Variants in ENTPD8 observed in about 807,000 individuals in gnomAD.
ENTPD8 encodes E-NTPDase 8.
ENTPD8 carries 35 observed loss-of-function variants against 47.0 expected under a neutral mutation model. The ratio of observed to expected loss-of-function variants is 0.75; its 90% CI spans 0.57 to 0.99. ENTPD8 has a LOEUF of 0.99. Among genes scored for constraint, ENTPD8 ranks in the 50% least tolerant of loss-of-function variants. The pLI is 0.00. For missense variants in ENTPD8, 668 were observed against 649.9 expected (o/e 1.03, Z -0.30); for synonymous variants, 308 against 290.5 (o/e 1.06, Z -0.61).
At position 137,436,576 on chromosome 9, in the gene ENTPD8, T is replaced by C; in HGVS notation, c.731A>G (p.Tyr244Cys). The C allele has an allele frequency of 1.2e-6, 2 of 1,611,952 alleles. No homozygotes were observed. The highest frequency in any genetic ancestry group is 2.2e-5 in the South Asian group (2 of 90,840). The change falls in exon 6 of 10, where the codon TAC (tyrosine) becomes TGC (cysteine). Residue 244 changes from tyrosine (Y) to cysteine (C), a missense_variant. Transcript: ENST00000371506. ...GSDYSVYTHS[Y>C]LCFGRDQMLS... The stretch of plus-strand genomic sequence containing the variant: ...CATCTGGTCCCGTCCAAAGCACAGG[T>C]AGCTGTGAGTGTAGACGCTGTAGTC...
chr9:137,437,212 C>G lies in ENTPD8; in HGVS notation c.342G>C (p.Gln114His), dbSNP rs774935844. The change falls in exon 4 of 10, where the codon CAG becomes CAC. Residue 114 changes from glutamine to histidine, a missense_variant. Physicochemically the swap from Gln to His is conservative, Grantham distance 24. Transcript: ENST00000371506. ...CCAGGAACGTGGGTGTTTTCCGATG[C>G]TGGGCCTCTGGGATCAGCACCAGCG... ...EEALVLIPEAQHRKTPTFLGA... is the reference protein window; with the variant it reads ...EEALVLIPEAHHRKTPTFLGA... 4 of 1,613,010 alleles carry G rather than the reference C, an allele frequency of 2.5e-6. No individual in the cohort carries two copies. The highest frequency in any genetic ancestry group is 3.4e-6 in the Non-Finnish European group (4 of 1,179,996).
At position 137,438,088 on chromosome 9, in the gene ENTPD8, G is replaced by A; in HGVS notation, c.127-4C>T. ...CCGCATCAAACACGATCCCAAACTG[G>A]GGAGACAGTGGGATGAGTGGGAGGC... On this transcript the variant is annotated splice_polypyrimidine_tract_variant and splice_region_variant and intron_variant, in intron 2 of 9. Coordinates refer to ENST00000371506, the MANE Select transcript of ENTPD8 (RefSeq NM_001033113.2). The surrounding 1 kb of genome is among the most constrained non-coding windows in gnomAD (Gnocchi z 5.7). The A allele has an allele frequency of 6.2e-7, 1 of 1,612,664 alleles. No individual in the cohort carries two copies. The highest frequency in any genetic ancestry group is 8.5e-7 in the Non-Finnish European group (1 of 1,179,714).
chr9:137,436,174 G>T lies in ENTPD8; in HGVS notation c.889C>A (p.Pro297Thr). Residue 297 changes from proline (P) to threonine (T), a missense_variant, in exon 7 of 10, where the codon CCC becomes ACC. Coordinates refer to ENST00000371506, the MANE Select transcript of ENTPD8 (RefSeq NM_001033113.2). ...LYESPCVHAT[P>T]PLSLPQNLTV... Reference sequence around the variant, plus strand: ...AGGTTCTGGGGGAGGCTCAGCGGGGGCGTGGCGTGGACACAGGGTGACTCA... The same window carrying T: ...AGGTTCTGGGGGAGGCTCAGCGGGGTCGTGGCGTGGACACAGGGTGACTCA... 1 of 1,612,938 alleles carries T rather than the reference G, an allele frequency of 6.2e-7. No individual in the cohort carries two copies. Among genetic ancestry groups the T allele is most frequent in the South Asian group, 1.1e-5 (1 of 91,084 alleles).
rs1258463723 is a variant in ENTPD8, at chr9:137,438,964, G to A, written c.-20-659C>T. 1.3e-5 allele frequency among the ~76,000 whole-genome samples: 2 copies of A among 152,148 alleles called. No homozygotes were observed. Among genetic ancestry groups the A allele is most frequent in the Non-Finnish European group, 2.9e-5 (2 of 68,004 alleles). ...CTCCAGCCTGCACTGGGGGCCCAGGGCTCTGCCTCCTCTCTGCGGCCCCCA... is the reference window on the plus strand; with the variant it reads ...CTCCAGCCTGCACTGGGGGCCCAGGACTCTGCCTCCTCTCTGCGGCCCCCA... On this transcript the variant is annotated intron_variant, in intron 1 of 9. Transcript: ENST00000371506. This position sits in a 1 kb window ranked among gnomAD's most constrained non-coding sequence, Gnocchi z 5.7.
Position 137,435,268 on chromosome 9 carries a change from G to T in ENTPD8, c.1232C>A (p.Thr411Asn). The T allele has an allele frequency of 6.2e-7, 1 of 1,612,580 alleles. No individual in the cohort carries two copies. The highest frequency in any genetic ancestry group is 1.1e-5 in the South Asian group (1 of 91,084). ...GAACCCGTAGCCCTCGTGCAGGAGGGTGAGGATGTACAGGCCTGAGGCACA... is the reference window on the plus strand; with the variant it reads ...GAACCCGTAGCCCTCGTGCAGGAGGTTGAGGATGTACAGGCCTGAGGCACA... Reference protein sequence around the residue: ...DYCASGLYILTLLHEGYGFSE... With the variant: ...DYCASGLYILNLLHEGYGFSE... The change falls in exon 9 of 10, where the codon ACC becomes AAC. Residue 411 changes from threonine to asparagine, a missense_variant. Coordinates refer to ENST00000371506, the MANE Select transcript of ENTPD8 (RefSeq NM_001033113.2).
In ENTPD8 at chr9:137,435,755, G is replaced by A. The variant is rs1485296141; in HGVS notation, c.1125C>T (p.Ala375=). The part of the protein sequence containing the change: ...TSRQPLSTVN[A]TIWEFCQRPW... ...GCCTCTGGCAAAACTCCCAGATGGT[G>A]GCGTTGACCGTGCTCAGGGGCTGCC... The change falls in exon 8 of 10, where the codon GCC becomes GCT. Residue 375 remains alanine (A), a synonymous_variant. Transcript: ENST00000371506. 1 of 1,613,534 alleles carries A rather than the reference G, an allele frequency of 6.2e-7. No individual in the cohort carries two copies. The highest frequency in any genetic ancestry group is 1.7e-5 in the Admixed American group (1 of 60,026).
Position 137,434,768 on chromosome 9 carries a change from C to T in ENTPD8, c.*146G>A. ...CATGCAGCCTCTGTGGCCAGCACCA[C>T]CCTGACGGTGCCCTGGAGGTGGCTG... On this transcript the variant is annotated 3_prime_UTR_variant, in exon 10 of 10. Transcript: ENST00000371506. The T allele has an allele frequency of 3.7e-6, 4 of 1,067,068 alleles. No individual in the cohort carries two copies. In the South Asian group the frequency reaches 6.7e-5, roughly 18 times the overall value. 66.1% of individuals were successfully genotyped at this position (1,067,068 alleles called of 1,614,324 possible).
Position 137,438,471 on chromosome 9 carries a change from C to T in ENTPD8, c.-20-166G>A, listed in dbSNP as rs992991068. ...ACGCCTCCCGTGGCCATAGAGGCAT[C>T]CCCGGGGCTCAGACGGTCTCCCGTG... On this transcript the variant is annotated intron_variant, in intron 1 of 9. Coordinates refer to ENST00000371506, the MANE Select transcript of ENTPD8 (RefSeq NM_001033113.2). The surrounding 1 kb of genome is among the most constrained non-coding windows in gnomAD (Gnocchi z 5.7). Among the ~76,000 whole-genome samples, 3 of 152,048 alleles carry T rather than the reference C, an allele frequency of 2.0e-5. No homozygotes were observed. The highest frequency in any genetic ancestry group is 4.4e-5 in the Non-Finnish European group (3 of 67,950).
At chr9:137,435,931 C>T (rs1839337008) in intron 7 of ENTPD8, 82 bp downstream of exon 7, 3 of 1,602,500 alleles carry the variant, frequency 1.9e-6, no homozygotes, top group East Asian at 2.2e-5. Context: ...CTGGGCCCCT[C>T]CTGGGCCTGC....
chr9:137,436,064 C>T lies in ENTPD8; in HGVS notation c.999G>A (p.Glu333=). ...LFNFSSCQGQ[E]DCAFDGVYQP... Reference sequence around the variant, plus strand: ...GGTAGACCCCGTCAAAGGCGCAGTCCTCCTGGCCCTGGCAGCTGGAGAAGT... The same window carrying T: ...GGTAGACCCCGTCAAAGGCGCAGTCTTCCTGGCCCTGGCAGCTGGAGAAGT... The change falls in exon 7 of 10, where the codon GAG becomes GAA. Residue 333 remains glutamate (E), a synonymous_variant. Coordinates refer to ENST00000371506, the MANE Select transcript of ENTPD8 (RefSeq NM_001033113.2). 1 of 1,612,978 alleles carries T rather than the reference C, an allele frequency of 6.2e-7. No individual in the cohort carries two copies. The highest frequency in any genetic ancestry group is 8.5e-7 in the Non-Finnish European group (1 of 1,179,996).
intron 4 of ENTPD8, 63 bp downstream of exon 4, chr9:137,437,096 G>A (rs28606499): frequency 0.11 from 168,839 of 1,600,150 alleles, 9,873 homozygotes; most frequent in Middle Eastern, 0.12. Flanking sequence ...TGCCTGCCAC[G>A]CTGGCTGAGA....
Position 137,435,841 on chromosome 9 carries a change from G to A in ENTPD8, c.1051-12C>T, listed in dbSNP as rs760997809. ...AAGTTGGAGAAGGCCTGAGTGAGAG[G>A]GGAGGTGGCTGTGCCTTCGCTGTGG... On this transcript the variant is annotated splice_polypyrimidine_tract_variant and intron_variant, in intron 7 of 9. Coordinates refer to ENST00000371506, the MANE Select transcript of ENTPD8 (RefSeq NM_001033113.2). 4.3e-6 allele frequency: 7 copies of A among 1,611,984 alleles called. No individual in the cohort carries two copies. In the South Asian group the frequency reaches 5.5e-5, roughly 13 times the overall value.
chr9:137,439,448 C>CG (rs1839458658), intron 1 of ENTPD8, among the ~76,000 whole-genome samples: 1 of 152,172 alleles, frequency 6.6e-6, no homozygotes, highest in African/African-American at 2.4e-5. Context: ...CGTGTTCCCC[C>CG]GGGAAACGTT....
intron 6 of ENTPD8, 56 bp from the exon 7 acceptor site, chr9:137,436,332 TC>T: frequency 6.7e-7 from 1 of 1,483,266 alleles, no homozygotes. Context: ...CCTGTGCCCC[TC>T]CCCGGGGCCG....
chr9:137,439,422 T>C (rs893067129), intron 1 of ENTPD8, among the ~76,000 whole-genome samples: 2 of 152,122 alleles, frequency 1.3e-5, no homozygotes, highest in Admixed American at 6.5e-5. Flanking sequence ...CTGAACCCCA[T>C]GTGACCGTGT....
Position 137,436,168 on chromosome 9 carries a change from G to C in ENTPD8, c.895C>G (p.Leu299Val). 1.2e-6 allele frequency: 2 copies of C among 1,612,940 alleles called. No homozygotes were observed. Among genetic ancestry groups the C allele is most frequent in the Non-Finnish European group, 1.7e-6 (2 of 1,179,972 alleles). Residue 299 changes from leucine (L) to valine (V), a missense_variant, in exon 7 of 10, where the codon CTG (leucine) becomes GTG (valine). By Grantham distance (32) the Leu-to-Val change is conservative. Coordinates refer to ENST00000371506, the MANE Select transcript of ENTPD8 (RefSeq NM_001033113.2). ...ESPCVHATPP[L>V]SLPQNLTVEG... ...ACTGTGAGGTTCTGGGGGAGGCTCA[G>C]CGGGGGCGTGGCGTGGACACAGGGT...
In ENTPD8 at chr9:137,436,521, C is replaced by T. The variant is rs1258089841; in HGVS notation, c.786G>A (p.Gln262=). The change falls in exon 6 of 10, where the codon CAG becomes CAA. Residue 262 remains glutamine (Q), a splice_region_variant and synonymous_variant. Coordinates refer to ENST00000371506, the MANE Select transcript of ENTPD8 (RefSeq NM_001033113.2). Reference sequence around the variant, plus strand: ...TGCACCCTCCCCAGGGCCAGCTGACCTGTACCAGCCCCACGAGGAGCCTGC... The same window carrying T: ...TGCACCCTCCCCAGGGCCAGCTGACTTGTACCAGCCCCACGAGGAGCCTGC... The part of the protein sequence containing the change: ...MLSRLLVGLV[Q]SRPAALLRHP... The T allele has an allele frequency of 6.2e-7, 1 of 1,603,048 alleles. No homozygotes were observed. The highest frequency in any genetic ancestry group is 8.5e-7 in the Non-Finnish European group (1 of 1,175,694).
At chr9:137,436,846 C>G in intron 5 of ENTPD8, 23 bp downstream of exon 5, 9 of 1,609,730 alleles carry the variant, frequency 5.6e-6, no homozygotes, top group Non-Finnish European at 7.6e-6. Flanking sequence ...GACCAGCCCC[C>G]GCCCTCAGGC....
chr9:137,434,746 G>A lies in ENTPD8; in HGVS notation c.*168C>T. 1.1e-6 allele frequency: 1 copy of A among 877,220 alleles called. No homozygotes were observed. The highest frequency in any genetic ancestry group is 1.9e-5 in the South Asian group (1 of 53,822). The allele number at this position is 877,220 out of a possible 1,614,324, so 54.3% of individuals were successfully genotyped here. A position where few individuals can be genotyped will look rare whatever the true frequency, so the allele number is the denominator to read the frequency against. ...GAGGGACGCCGGGAGGGGAGGTCAT[G>A]CAGCCTCTGTGGCCAGCACCACCCT... is the stretch of plus-strand genomic sequence containing the variant. On this transcript the variant is annotated 3_prime_UTR_variant, in exon 10 of 10. Transcript: ENST00000371506.
Sources: allele counts gnomAD v4.1 joint callset (sites outside exome capture counted in the v4.1 genomes callset), GRCh38; gene constraint gnomAD v4.1.1; non-coding constraint Gnocchi (gnomAD v3.1); transcripts MANE v1.5; gene names NCBI Gene and HGNC (gene_info 2026-07-23, HGNC 2026-07-21).